Variants in MYCBPAP observed in about 807,000 individuals in gnomAD.
MYCBPAP encodes MYCBP associated protein, also known as MYCBP-associated protein.
Under a neutral mutation model 106.1 loss-of-function variants are expected in MYCBPAP, and 60 were observed. The ratio of observed to expected loss-of-function variants is 0.57; its 90% CI spans 0.46 to 0.70. The LOEUF (loss-of-function observed/expected upper bound fraction) is 0.70. MYCBPAP is among the 30% of genes least tolerant of loss of function. MYCBPAP has a pLI of 0.00. For synonymous variants in MYCBPAP, 407 were observed against 440.6 expected (o/e 0.92, Z 0.95); for missense variants, 1,064 against 1,169.3 (o/e 0.91, Z 1.31).
At chr17:50,525,516 T>C (rs1263042733) in intron 13 of MYCBPAP, among the ~76,000 whole-genome samples, 1 of 152,142 alleles carries the variant, frequency 6.6e-6, no homozygotes, top group East Asian at 1.9e-4. Context: ...TAGCGTGTCA[T>C]ACTGTCACAC....
intron 2 of MYCBPAP, 64 bp from the exon 3 acceptor site, chr17:50,517,229 G>C (rs2034083596): frequency 6.8e-7 from 1 of 1,464,626 alleles, no homozygotes; most frequent in South Asian, 1.1e-5. Flanking sequence ...GAACAGAAGA[G>C]ATGGGTGGTG....
intron 14 of MYCBPAP, 115 bp from the exon 15 acceptor site, chr17:50,527,172 C>G: frequency 6.9e-7 from 1 of 1,456,382 alleles, no homozygotes; most frequent in East Asian, 2.3e-5. Context: ...CTCTCCATAG[C>G]TGCATCCCCT....
At chr17:50,514,247 C>CA (rs1337755171) in intron 1 of MYCBPAP, among the ~76,000 whole-genome samples, 1 of 152,002 alleles carries the variant, frequency 6.6e-6, no homozygotes, top group African/African-American at 2.4e-5. Context: ...TTTTGGCCAC[C>CA]AACTCTATGG....
At chr17:50,529,721 G>T (rs2034573329) in intron 18 of MYCBPAP, 1 of 455,914 alleles carries the variant, frequency 2.2e-6, no homozygotes, top group African/African-American at 2.0e-5. Flanking sequence ...GACTCTAGGG[G>T]AACAGAGAGG....
At chr17:50,517,571 C>G (rs776253252) in intron 3 of MYCBPAP, 24 bp from the exon 4 acceptor site, 1 of 1,613,834 alleles carries the variant, frequency 6.2e-7, no homozygotes, top group Admixed American at 1.7e-5. Flanking sequence ...AGCTTCTTTC[C>G]CCTTTCTTCT....
intron 10 of MYCBPAP, chr17:50,522,304 A>G (rs1242664796): frequency 9.3e-6 from 4 of 429,938 alleles, no homozygotes; most frequent in African/African-American, 4.0e-5. Flanking sequence ...CCAGCCCCCA[A>G]GCATGTAAAC....
intron 18 of MYCBPAP, chr17:50,529,423 G>C (rs1011376452): frequency 8.2e-6 from 4 of 487,678 alleles, no homozygotes; most frequent in African/African-American, 7.8e-5. Context: ...AGAGGCCTCA[G>C]TGAGGAGGTG....
At position 50,519,074 on chromosome 17, in the gene MYCBPAP, C is replaced by T. The variant is rs1449138197; in HGVS notation, c.753C>T (p.Thr251=). The change falls in exon 6 of 19, where the codon ACC becomes ACT. Residue 251 remains threonine, a synonymous_variant. Coordinates refer to ENST00000323776, the MANE Select transcript of MYCBPAP (RefSeq NM_032133.6). ...ERELIDCTLP[T]RRDRKSWENS... ...AGCTCATTGACTGCACACTTCCAAC[C>T]CGGCGTGATAGGAAAGTGAGGCCAC... 1.1e-5 allele frequency: 18 copies of T among 1,613,350 alleles called. No homozygotes were observed. Among genetic ancestry groups the T allele is most frequent in the Non-Finnish European group, 1.4e-5 (17 of 1,179,738 alleles).
intron 14 of MYCBPAP, 112 bp downstream of exon 14, chr17:50,526,379 C>G (rs1368025253): frequency 2.9e-6 from 3 of 1,029,026 alleles, no homozygotes; most frequent in Non-Finnish European, 4.1e-6. Flanking sequence ...AACCTGAGAG[C>G]CCAGAGAAAG....
At chr17:50,523,810 T>C in intron 12 of MYCBPAP, 26 bp downstream of exon 12, 2 of 1,598,784 alleles carry the variant, frequency 1.3e-6, no homozygotes, top group African/African-American at 2.7e-5. Flanking sequence ...CCATGGCCCC[T>C]GTGGACATCA....
intron 4 of MYCBPAP, among the ~76,000 whole-genome samples, 198 bp from the exon 5 acceptor site, chr17:50,518,343 G>A (rs570061945): frequency 9.2e-5 from 14 of 152,364 alleles, no homozygotes; most frequent in African/African-American, 3.4e-4. Context: ...CTTTGTGGGG[G>A]AGAGTGGACT....
At chr17:50,523,182 C>A in intron 11 of MYCBPAP, 54 bp downstream of exon 11, 1 of 1,564,408 alleles carries the variant, frequency 6.4e-7, no homozygotes, top group South Asian at 1.1e-5. Context: ...CTGGTTTTGT[C>A]CTCCGTGAGA....
Position 50,523,674 on chromosome 17 carries a change from T to G in MYCBPAP, c.1525T>G (p.Trp509Gly). The G allele has an allele frequency of 1.2e-6, 2 of 1,614,212 alleles. No individual in the cohort carries two copies. The highest frequency in any genetic ancestry group is 1.7e-6 in the Non-Finnish European group (2 of 1,180,038). ...SLTAGVFREF[W>G]EFRTHPTLLG... ...GACTGCTGGGGTCTTCAGGGAATTT[T>G]GGGAGTTTCGAACCCATCCTACTCT... is the stretch of plus-strand genomic sequence containing the variant. Residue 509 changes from tryptophan to glycine, a missense_variant, in exon 12 of 19, where the codon TGG becomes GGG. Transcript: ENST00000323776.
rs975079621 is a variant in MYCBPAP at position 50,523,198 on chromosome 17, A to G, written c.1447+70A>G. 3 of 1,481,534 alleles carry G rather than the reference A, an allele frequency of 2.0e-6. No homozygotes were observed. The African/African-American group carries it at 4.2e-5, about 21-fold the overall frequency. 91.8% of individuals were successfully genotyped at this position (1,481,534 alleles called of 1,614,324 possible). A position where few individuals can be genotyped will look rare whatever the true frequency, so the allele number is the denominator to read the frequency against. ...TGGTTTTGTCCTCCGTGAGACATCA[A>G]AGTTTAGTTATGGCCCAGCTCCTGT... is the stretch of plus-strand genomic sequence containing the variant. On this transcript the variant is annotated intron_variant, in intron 11 of 18. Coordinates refer to ENST00000323776, the MANE Select transcript of MYCBPAP (RefSeq NM_032133.6).
intron 9 of MYCBPAP, 46 bp from the exon 10 acceptor site, chr17:50,521,927 G>C: frequency 6.4e-7 from 1 of 1,570,706 alleles, no homozygotes; most frequent in Non-Finnish European, 8.7e-7. Flanking sequence ...CACATGGCAT[G>C]ACTGTGGCAG....
At position 50,528,245 on chromosome 17, in the gene MYCBPAP, C is replaced by G. The variant is rs767253716; in HGVS notation, c.2382C>G (p.Ile794Met). The change falls in exon 16 of 19, where the codon ATC (isoleucine) becomes ATG (methionine). Residue 794 changes from isoleucine (I) to methionine (M), a missense_variant. Coordinates refer to ENST00000323776, the MANE Select transcript of MYCBPAP (RefSeq NM_032133.6). ...SVLGLPEKET[I>M]YLNVPEEQDQ... ...TGGGCCTGCCTGAGAAGGAGACCAT[C>G]TATTTGAATGTGCCTGAAGAGCAAG... The G allele has an allele frequency of 3.4e-5, 55 of 1,614,004 alleles. 1 individual carries two copies. In the South Asian group the frequency reaches 6.0e-4, roughly 18 times the overall value.
Position 50,528,291 on chromosome 17 carries a change from C to T in MYCBPAP, c.2407+21C>T, listed in dbSNP as rs377544797. 5.7e-6 allele frequency: 9 copies of T among 1,573,936 alleles called. No individual in the cohort carries two copies. In the African/African-American group the frequency reaches 1.2e-4, roughly 21 times the overall value. Reference sequence around the variant, plus strand: ...GCAAGGTCAGATCTTGTGCAACCAACCACACCTCTGCATAGCCCTCCTCAT... The same window carrying T: ...GCAAGGTCAGATCTTGTGCAACCAATCACACCTCTGCATAGCCCTCCTCAT... On this transcript the variant is annotated intron_variant, in intron 16 of 18. Coordinates refer to ENST00000323776, the MANE Select transcript of MYCBPAP (RefSeq NM_032133.6).
chr17:50,507,866 C>G (rs546794498), upstream of MYCBPAP, among the ~76,000 whole-genome samples: 5 of 152,258 alleles, frequency 3.3e-5, no homozygotes, highest in African/African-American at 1.2e-4. Flanking sequence ...GAAATAATCC[C>G]AGAATGCCTC....
At chr17:50,510,865 TC>T (rs1403201812) in intron 1 of MYCBPAP, among the ~76,000 whole-genome samples, 2 of 152,008 alleles carry the variant, frequency 1.3e-5, no homozygotes, top group Middle Eastern at 3.4e-3. Context: ...ATATCTGGTC[TC>T]CTTTCACAAG....
Sources: gnomAD v4.1 joint callset for allele counts (sites outside exome capture counted in the v4.1 genomes callset) on GRCh38, gnomAD v4.1.1 for gene constraint, MANE v1.5 for transcripts, NCBI Gene and HGNC (gene_info 2026-07-23, HGNC 2026-07-21) for gene names.